ZNF347: variants seen among roughly 807,000 people sequenced by gnomAD.
The protein encoded by ZNF347 is CTD-2620I22.7.
A neutral mutation model predicts 12.9 loss-of-function variants in ZNF347; 19 were observed. The ratio of observed to expected loss-of-function variants is 1.47; its 90% CI spans 1.03 to 2.16. ZNF347 has a LOEUF of 2.16. ZNF347 is among the 30% of genes most tolerant of loss of function. ZNF347 has a pLI of 0.00. For synonymous variants in ZNF347, 328 were observed against 340.6 expected, an observed-to-expected ratio of 0.96 and a Z score of 0.41; for missense variants, 1,005 against 990.6, an observed-to-expected ratio of 1.01 and a Z score of -0.19.
At chr19:53,143,110 CAGGGTGAGA>C (rs1197477889) in intron 4 of ZNF347, among the ~76,000 whole-genome samples, 1 of 152,066 alleles carries the variant, frequency 6.6e-6, no homozygotes, top group Non-Finnish European at 1.5e-5. Flanking sequence ...ATTCAAAATG[CAGGGTGAGA>C]AGGGAACGAA....
intron 1 of ZNF347, among the ~76,000 whole-genome samples, chr19:53,155,612 G>A (rs528133394): frequency 6.6e-6 from 1 of 152,262 alleles, no homozygotes; most frequent in Admixed American, 6.5e-5. Context: ...TGTGATTACA[G>A]GTGTAAGCCG....
Position 53,141,517 on chromosome 19 carries a change from G to A in ZNF347, c.1311C>T (p.Ala437=), listed in dbSNP as rs2146799260. 2 of 1,613,950 alleles carry A rather than the reference G, an allele frequency of 1.2e-6. No individual in the cohort carries two copies. Among genetic ancestry groups the A allele is most frequent in the East Asian group, 2.2e-5 (1 of 44,854 alleles). Residue 437 remains alanine (A), a synonymous_variant, in exon 5 of 5, where the codon GCC becomes GCT. Transcript: ENST00000334197. ...TAGCTAGGCTTGAACGAACACCAAAGGCTTTGCCGCACTCATTACACTTGT... is the reference window on the plus strand; with the variant it reads ...TAGCTAGGCTTGAACGAACACCAAAAGCTTTGCCGCACTCATTACACTTGT... The part of the protein sequence containing the change: ...KPYKCNECGK[A]FGVRSSLAIH...
chr19:53,142,635 C>CACCGAAAAACAATATTAA, intron 4 of ZNF347, 79 bp from the exon 5 acceptor site: 1 of 1,116,020 alleles, frequency 9.0e-7, no homozygotes, highest in Non-Finnish European at 1.2e-6. Flanking sequence ...AACAATATTA[C>CACCGAAAAACAATATTAA]ACCGAAAAAC....
intron 4 of ZNF347, among the ~76,000 whole-genome samples, chr19:53,144,277 G>A (rs1353963584): frequency 6.6e-6 from 1 of 152,042 alleles, no homozygotes; most frequent in Non-Finnish European, 1.5e-5. Flanking sequence ...AAAAGTGAGG[G>A]GATGGAAAAA....
intron 4 of ZNF347, among the ~76,000 whole-genome samples, chr19:53,147,065 G>A (rs1026230033): frequency 6.6e-6 from 1 of 151,702 alleles, no homozygotes; most frequent in African/African-American, 2.4e-5. Context: ...GCAAGACCTC[G>A]GCTCTACTAA....
rs1201572721 is a variant in ZNF347 at position 53,141,177 on chromosome 19, T to A, written c.1651A>T (p.Ser551Cys). The A allele has an allele frequency of 6.2e-7, 1 of 1,608,686 alleles. No individual in the cohort carries two copies. Among genetic ancestry groups the A allele is most frequent in the Non-Finnish European group, 8.5e-7 (1 of 1,175,916 alleles). The change falls in exon 5 of 5, where the codon AGT becomes TGT. Residue 551 changes from serine to cysteine, a missense_variant. Transcript: ENST00000334197. Reference protein sequence around the residue: ...YMCNECGKAFSVYSSLTTHQV... With the variant: ...YMCNECGKAFCVYSSLTTHQV... ...TGGGTAGTTAGGCTTGAATACACAC[T>A]GAAGGCTTTGCCGCACTCATTACAC...
At chr19:53,158,763 G>T (rs2090552489) in intron 1 of ZNF347, 1 of 152,216 alleles carries the variant, frequency 6.6e-6, no homozygotes, top group African/African-American at 2.4e-5. Flanking sequence ...CGGGCGTGGT[G>T]GCACATGCCT....
Position 53,135,329 on chromosome 19 carries a change from T to TAG in ZNF347, c.*4978_*4979insCT, listed in dbSNP as rs2090380798. 7 of 47,544 alleles carry TAG rather than the reference T, an allele frequency of 1.5e-4. No homozygotes were observed. Among genetic ancestry groups the TAG allele is most frequent in the South Asian group, 1.3e-3 (2 of 1,498 alleles). The allele number at this position is 47,544 out of a possible 1,614,324, so 2.9% of individuals were successfully genotyped here. On this transcript the variant is annotated 3_prime_UTR_variant, in exon 5 of 5. Coordinates refer to ENST00000334197, the MANE Select transcript of ZNF347 (RefSeq NM_032584.3). ...ATATATATATATATATATATATATA[T>TAG]ATATATATATAGAGAGAGAGAGAGA...
Position 53,140,882 on chromosome 19 carries a change from C to T in ZNF347, c.1946G>A (p.Gly649Asp). ...NLTTHQVIHT[G>D]EKPYKCNECG... ...CTCATTACATTTGTAAGGTTTTTCA[C>T]CAGTATGGATGACCTGATGGGTAGT... The change falls in exon 5 of 5, where the codon GGT becomes GAT. Residue 649 changes from glycine to aspartate, a missense_variant. Coordinates refer to ENST00000334197, the MANE Select transcript of ZNF347 (RefSeq NM_032584.3). The T allele has an allele frequency of 6.2e-7, 1 of 1,613,246 alleles. No homozygotes were observed. The highest frequency in any genetic ancestry group is 8.5e-7 in the Non-Finnish European group (1 of 1,179,806).
intron 4 of ZNF347, among the ~76,000 whole-genome samples, 186 bp from the exon 5 acceptor site, chr19:53,142,742 TTAA>T (rs1445124534): frequency 6.6e-6 from 1 of 152,178 alleles, no homozygotes; most frequent in Non-Finnish European, 1.5e-5. Flanking sequence ...AGAGGATTGT[TTAA>T]TAAAGTTGAT....
At chr19:53,146,863 G>GAA (rs990168212) in intron 4 of ZNF347, among the ~76,000 whole-genome samples, 1 of 144,650 alleles carries the variant, frequency 6.9e-6, no homozygotes, top group African/African-American at 2.5e-5. Flanking sequence ...AATTGAAGCT[G>GAA]AAAAAAAAAA....
At position 53,148,846 on chromosome 19, in the gene ZNF347, A is replaced by G. The variant is rs1367273336; in HGVS notation, c.143-37T>C. ...AAGAAAGGAAAACAATGGGCTGTAG[A>G]TTTTCCAGAGTCCCAGTCCTATGTT... On this transcript the variant is annotated intron_variant, in intron 3 of 4. Coordinates refer to ENST00000334197, the MANE Select transcript of ZNF347 (RefSeq NM_032584.3). 3 of 1,606,564 alleles carry G rather than the reference A, an allele frequency of 1.9e-6. No individual in the cohort carries two copies. The Admixed American group carries it at 5.1e-5, about 27-fold the overall frequency.
chr19:53,155,015 G>T (rs1048665460), intron 1 of ZNF347, among the ~76,000 whole-genome samples: 8 of 151,446 alleles, frequency 5.3e-5, no homozygotes, highest in Admixed American at 4.6e-4. Context: ...TCGGCTCACC[G>T]TAACCTCCGC....
In ZNF347 at chr19:53,149,311, GC is replaced by G. The variant is rs1487565327; in HGVS notation, c.71del (p.Cys24SerfsTer13). 6.2e-6 allele frequency: 10 copies of G among 1,613,948 alleles called. No individual in the cohort carries two copies. The highest frequency in any genetic ancestry group is 7.6e-6 in the Non-Finnish European group (9 of 1,179,936). On this transcript the variant is annotated frameshift_variant, in exon 3 of 5. Transcript: ENST00000334197. LOFTEE classifies it high-confidence loss of function. ...AIEFSQEEWT[C>X]LDPAQRTLYR... is the part of the protein sequence containing the mutation. ...ACAAAGTCCTCTGAGCGGGGTCCAG[GC>G]ATGTCCACTCCTCCTGAGAGAATTC...
At chr19:53,142,955 C>T (rs1009408019) in intron 4 of ZNF347, among the ~76,000 whole-genome samples, 6 of 152,180 alleles carry the variant, frequency 3.9e-5, no homozygotes, top group African/African-American at 1.4e-4. Context: ...CACGATGTAA[C>T]TGTTACACTA....
intron 4 of ZNF347, 89 bp downstream of exon 4, chr19:53,148,592 T>TTC (rs5828536): frequency 0.87 from 1,270,195 of 1,454,070 alleles, 555,838 homozygotes; most frequent in Admixed American, 0.92. Context: ...GAATTCAAAC[T>TTC]TGTTTTCCCA....
intron 4 of ZNF347, among the ~76,000 whole-genome samples, chr19:53,146,507 C>G (rs1412519586): frequency 1.3e-5 from 2 of 152,040 alleles, no homozygotes; most frequent in African/African-American, 4.8e-5. Context: ...AACTCCCCGC[C>G]TCAAGCAATT....
At chr19:53,156,403 A>G (rs2090536292) in intron 1 of ZNF347, among the ~76,000 whole-genome samples, 1 of 152,050 alleles carries the variant, frequency 6.6e-6, no homozygotes, top group South Asian at 2.1e-4. Context: ...ACTGTTTCAA[A>G]AAGAAAAAAA....
rs1480789869 is a variant in ZNF347, at chr19:53,135,323, TATATATATATATATATAGAG to T, written c.*4965_*4984del. The T allele has an allele frequency of 1.4e-3, 76 of 52,574 alleles. No homozygotes were observed. The highest frequency in any genetic ancestry group is 5.2e-3 in the South Asian group (8 of 1,538). The allele number at this position is 52,574 out of a possible 1,614,324, so 3.3% of individuals were successfully genotyped here. On this transcript the variant is annotated 3_prime_UTR_variant, in exon 5 of 5. Coordinates refer to ENST00000334197, the MANE Select transcript of ZNF347 (RefSeq NM_032584.3). ...AAATATATATATATATATATATATA[TATATATATATATATATAGAG>T]AGAGAGAGAGAGAGAGAGAGAGAGA...
Sources: gnomAD v4.1 joint callset for allele counts (sites outside exome capture counted in the v4.1 genomes callset) on GRCh38, gnomAD v4.1.1 for gene constraint, MANE v1.5 for transcripts, NCBI Gene and HGNC (gene_info 2026-07-23, HGNC 2026-07-21) for gene names.